NUGGC: variants seen among roughly 807,000 people sequenced by gnomAD.
NUGGC encodes the protein nuclear GTPase SLIP-GC.
A neutral mutation model predicts 92.6 loss-of-function variants in NUGGC; 58 were observed. That is an observed-to-expected ratio of 0.63 (90% CI 0.51 to 0.78). The LOEUF is 0.78. Ranked by LOEUF, NUGGC falls within the 30% of genes least tolerant of loss-of-function variation. NUGGC has a pLI of 0.00. For missense variants in NUGGC, 925 were observed against 964.6 expected (o/e 0.96, Z 0.54); for synonymous variants, 376 against 366.4 (o/e 1.03, Z -0.30).
At position 28,029,338 on chromosome 8, in the gene NUGGC, C is replaced by CA; in HGVS notation, c.2081dup (p.Asp695GlyfsTer6). On this transcript the variant is annotated frameshift_variant, in exon 17 of 19. Transcript: ENST00000413272. LOFTEE classifies it high-confidence loss of function. ...ACATGCCCTCAGCCACCTGCCGGTC[C>CA]ACTCCTCTTCTGATGGCATCTTTCA... 2 of 1,611,930 alleles carry CA rather than the reference C, an allele frequency of 1.2e-6. No individual in the cohort carries two copies. The highest frequency in any genetic ancestry group is 4.5e-5 in the East Asian group (2 of 44,794).
At chr8:28,028,098 A>G (rs1037538062) in intron 17 of NUGGC, among the ~76,000 whole-genome samples, 1 of 151,658 alleles carries the variant, frequency 6.6e-6, no homozygotes, top group Non-Finnish European at 1.5e-5. Context: ...GGAACACTCT[A>G]TGGTCTTGCC....
intron 10 of NUGGC, among the ~76,000 whole-genome samples, chr8:28,055,274 A>C (rs1379064884): frequency 6.6e-6 from 1 of 152,054 alleles, no homozygotes; most frequent in East Asian, 1.9e-4. Flanking sequence ...ATAATAAAAT[A>C]AAATTCTGCT....
intron 15 of NUGGC, among the ~76,000 whole-genome samples, 173 bp downstream of exon 15, chr8:28,031,070 C>T (rs1216689561): frequency 6.6e-6 from 1 of 152,198 alleles, no homozygotes; most frequent in Non-Finnish European, 1.5e-5. Context: ...CAGTCAGGCC[C>T]ACTGCCGTCC....
At chr8:28,060,749 T>C in intron 7 of NUGGC, 148 bp from the exon 8 acceptor site, 1 of 640,452 alleles carries the variant, frequency 1.6e-6, no homozygotes, top group Non-Finnish European at 2.6e-6. Flanking sequence ...TGGACTGAGC[T>C]ATGAGTCATT....
intron 13 of NUGGC, among the ~76,000 whole-genome samples, chr8:28,037,560 C>G (rs554852462): frequency 6.6e-6 from 1 of 152,308 alleles, no homozygotes; most frequent in African/African-American, 2.4e-5. Context: ...ACTGTTGCCT[C>G]CCTAGTCCTT....
chr8:28,056,306 A>C (rs911662049), intron 9 of NUGGC, among the ~76,000 whole-genome samples: 17 of 151,916 alleles, frequency 1.1e-4, no homozygotes, highest in African/African-American at 4.1e-4. Context: ...GTGAAACCCC[A>C]TCTCTACTAA....
chr8:28,062,192 A>G (rs1810323480), intron 7 of NUGGC, among the ~76,000 whole-genome samples: 1 of 152,328 alleles, frequency 6.6e-6, no homozygotes, highest in Admixed American at 6.5e-5. Flanking sequence ...CCCAAGCGGT[A>G]AAGAGACTCA....
In NUGGC at chr8:28,029,284, G is replaced by C; in HGVS notation, c.2136C>G (p.His712Gln). The change falls in exon 17 of 19, where the codon CAC (histidine) becomes CAG (glutamine). Residue 712 changes from histidine to glutamine, a missense_variant. By Grantham distance (24) the His-to-Gln change is conservative. Coordinates refer to ENST00000413272, the MANE Select transcript of NUGGC (RefSeq NM_001010906.2). The stretch of plus-strand genomic sequence containing the variant: ...AGAGTACCTTCAGCTGCTGAAACTG[G>C]TGCTGCATCCTTTCCTGGGCCCTTT... ...MFERAQERMQ[H>Q]QFQQLKTGIV... The C allele has an allele frequency of 1.2e-6, 2 of 1,606,346 alleles. No individual in the cohort carries two copies. The highest frequency in any genetic ancestry group is 1.7e-6 in the Non-Finnish European group (2 of 1,176,450).
At chr8:28,082,901 A>T (rs1338175260) in intron 1 of NUGGC, among the ~76,000 whole-genome samples, 1 of 152,216 alleles carries the variant, frequency 6.6e-6, no homozygotes, top group Non-Finnish European at 1.5e-5. Flanking sequence ...CCGAAGCCTC[A>T]AAAACAAACA....
chr8:28,055,626 A>T (rs1359871066), intron 10 of NUGGC, among the ~76,000 whole-genome samples: 1 of 152,236 alleles, frequency 6.6e-6, no homozygotes, highest in Non-Finnish European at 1.5e-5. Flanking sequence ...TGAGCCCAGG[A>T]GTTTGAGAAC....
At chr8:28,031,208 A>G in intron 15 of NUGGC, 35 bp downstream of exon 15, 1 of 1,612,936 alleles carries the variant, frequency 6.2e-7, no homozygotes, top group Non-Finnish European at 8.5e-7. Flanking sequence ...GCCATGCCCA[A>G]CCTCACTGCT....
intron 1 of NUGGC, among the ~76,000 whole-genome samples, chr8:28,078,576 A>G (rs1810776370): frequency 6.6e-6 from 1 of 152,180 alleles, no homozygotes; most frequent in Admixed American, 6.5e-5. Flanking sequence ...TCCCATGTGT[A>G]AGGCAAAGAC....
chr8:28,047,882 T>G (rs1426333705), intron 10 of NUGGC, among the ~76,000 whole-genome samples: 1 of 152,182 alleles, frequency 6.6e-6, no homozygotes, highest in Non-Finnish European at 1.5e-5. Context: ...GAGAAAATAA[T>G]TCAAAGTTGT....
intron 9 of NUGGC, among the ~76,000 whole-genome samples, chr8:28,058,003 C>A (rs1219762994): frequency 6.6e-6 from 1 of 152,066 alleles, no homozygotes; most frequent in Non-Finnish European, 1.5e-5. Flanking sequence ...ACCAGCCTGG[C>A]CAACGTGGTG....
At chr8:28,072,893 A>G (rs952867136) in intron 2 of NUGGC, among the ~76,000 whole-genome samples, 3 of 151,416 alleles carry the variant, frequency 2.0e-5, no homozygotes, top group African/African-American at 7.3e-5. Flanking sequence ...GCGGCAGTCC[A>G]AAAAGCGTAG....
At chr8:28,062,098 C>G (rs1346711283) in intron 7 of NUGGC, among the ~76,000 whole-genome samples, 1 of 152,148 alleles carries the variant, frequency 6.6e-6, no homozygotes, top group African/African-American at 2.4e-5. Flanking sequence ...TGTCCAGGAA[C>G]CTTTTGGCTC....
At position 28,023,574 on chromosome 8, in the gene NUGGC, G is replaced by A. The variant is rs77912405; in HGVS notation, c.2246-112C>T. The A allele has an allele frequency of 1.6e-3, 1,700 of 1,073,170 alleles. 30 individuals carry two copies. The East Asian group carries it at 0.036, about 22-fold the overall frequency. 66.5% of individuals were successfully genotyped at this position (1,073,170 alleles called of 1,614,324 possible). The stretch of plus-strand genomic sequence containing the variant: ...CTTGTCCCAGAATATGAGATCTGGA[G>A]TGGTGCTTACAGATCAGACATCAAA... On this transcript the variant is annotated intron_variant, in intron 18 of 18. Coordinates refer to ENST00000413272, the MANE Select transcript of NUGGC (RefSeq NM_001010906.2).
chr8:28,045,466 G>A, intron 12 of NUGGC, 61 bp downstream of exon 12: 1 of 1,498,882 alleles, frequency 6.7e-7, no homozygotes, highest in Non-Finnish European at 9.0e-7. Context: ...TTTCTAACTT[G>A]GTAAAAGGAA....
chr8:28,023,348 CTG>C lies in NUGGC; in HGVS notation c.2358_2359del (p.Ser787GlnfsTer15). On this transcript the variant is annotated frameshift_variant, in exon 19 of 19. Transcript: ENST00000413272. LOFTEE classifies it low-confidence loss of function (END_TRUNC). ...TGATGTCCCGGGGGGGCCAGCCTTGCTGGGGGATGCCCTTAGGAGGAATTCTT... is the reference window on the plus strand; with the variant it reads ...TGATGTCCCGGGGGGGCCAGCCTTGCGGGGATGCCCTTAGGAGGAATTCTT... 6.2e-7 allele frequency: 1 copy of C among 1,613,872 alleles called. No individual in the cohort carries two copies. The highest frequency in any genetic ancestry group is 1.1e-5 in the South Asian group (1 of 91,050).
Sources: allele counts gnomAD v4.1 joint callset (sites outside exome capture counted in the v4.1 genomes callset), GRCh38; gene constraint gnomAD v4.1.1; transcripts MANE v1.5; gene names NCBI Gene and HGNC (gene_info 2026-07-23, HGNC 2026-07-21).